Variants in TSBP1 observed in about 807,000 individuals in gnomAD.
TSBP1 encodes the protein testis expressed basic protein 1.
A neutral mutation model predicts 68.8 loss-of-function variants in TSBP1; 56 were observed. The observed-to-expected ratio is 0.81, with a 90% confidence interval of 0.66 to 1.02. TSBP1 has a LOEUF of 1.02. Ranked by LOEUF, TSBP1 falls within the 50% of genes least tolerant of loss-of-function variation. The pLI is 0.00. For synonymous variants in TSBP1, 171 were observed against 208.7 expected (o/e 0.82, Z 1.56); for missense variants, 502 against 641.2 (o/e 0.78, Z 2.34).
At position 32,294,050 on chromosome 6, in the gene TSBP1, A is replaced by G; in HGVS notation, c.638-15T>C. 1 of 1,602,372 alleles carries G rather than the reference A, an allele frequency of 6.2e-7. No individual in the cohort carries two copies. Among genetic ancestry groups the G allele is most frequent in the Non-Finnish European group, 8.5e-7 (1 of 1,178,294 alleles). On this transcript the variant is annotated splice_polypyrimidine_tract_variant and intron_variant, in intron 22 of 22. Coordinates refer to ENST00000612031, the Ensembl canonical transcript of TSBP1. ...TGTTAATATAACTGAGCATACAACA[A>G]AAGGGCGTGATTTAGATATCAAGTA... is the stretch of plus-strand genomic sequence containing the variant.
intron 18 of TSBP1, among the ~76,000 whole-genome samples, chr6:32,319,068 C>T (rs984184400): frequency 2.0e-5 from 3 of 152,138 alleles, no homozygotes; most frequent in African/African-American, 7.2e-5. Context: ...TCCTAAATAT[C>T]CCAGGCATCT....
chr6:32,331,303 C>T (rs986818523), intron 15 of TSBP1, among the ~76,000 whole-genome samples: 1 of 152,130 alleles, frequency 6.6e-6, no homozygotes, highest in African/African-American at 2.4e-5. Flanking sequence ...TTCGATTACA[C>T]CTTTGCCTTA....
chr6:32,301,711 A>T (rs200839501), intron 20 of TSBP1, among the ~76,000 whole-genome samples: 9,496 of 37,950 alleles, frequency 0.25, 379 homozygotes, highest in South Asian at 0.48. Flanking sequence ...CGCTGTTTTA[A>T]AAAAAAAAAA....
chr6:32,318,688 G>A (rs981520228), intron 18 of TSBP1, among the ~76,000 whole-genome samples: 1 of 152,184 alleles, frequency 6.6e-6, no homozygotes, highest in African/African-American at 2.4e-5. Flanking sequence ...GAAATGTCCA[G>A]AACAGCTGAA....
rs9279582 is a variant in TSBP1 at position 32,330,635 on chromosome 6, A to AACACACACACACAC, written c.494-40_494-27dup. The AACACACACACACAC allele has an allele frequency of 4.3e-5, 49 of 1,134,776 alleles. 1 individual carries two copies. Among genetic ancestry groups the AACACACACACACAC allele is most frequent in the East Asian group, 3.5e-4 (13 of 37,108 alleles). 70.3% of individuals were successfully genotyped at this position (1,134,776 alleles called of 1,614,324 possible). A position where few individuals can be genotyped will look rare whatever the true frequency, so the allele number is the denominator to read the frequency against. Reference sequence around the variant, plus strand: ...CTAAAAAATAGAAACAAACAAATTAAACACACACACACACACACACACACA... The same window carrying AACACACACACACAC: ...CTAAAAAATAGAAACAAACAAATTAAACACACACACACACACACACACACACACACACACACACA... On this transcript the variant is annotated intron_variant, in intron 15 of 22. Transcript: ENST00000612031.
intron 16 of TSBP1, among the ~76,000 whole-genome samples, chr6:32,329,839 G>A (rs776676503): frequency 6.6e-6 from 1 of 152,076 alleles, no homozygotes; most frequent in Non-Finnish European, 1.5e-5. Flanking sequence ...AGAATTTCCC[G>A]TGTCCTGGGG....
intron 6 of TSBP1, among the ~76,000 whole-genome samples, chr6:32,359,786 C>T (rs1171276259): frequency 6.6e-6 from 1 of 152,098 alleles, no homozygotes; most frequent in East Asian, 1.9e-4. Context: ...TCAGGTCTAA[C>T]ATTTAAGTCT....
At chr6:32,298,504 G>A (rs1653172417) in intron 22 of TSBP1, among the ~76,000 whole-genome samples, 1 of 152,078 alleles carries the variant, frequency 6.6e-6, no homozygotes. Context: ...ACTTGAACCC[G>A]TGAGGCAGAG....
At position 32,302,965 on chromosome 6, in the gene TSBP1, T is replaced by C. The variant is rs943276540; in HGVS notation, c.581-336A>G. Among the ~76,000 whole-genome samples, 15 of 152,226 alleles carry C rather than the reference T, an allele frequency of 9.9e-5. No individual in the cohort carries two copies. The highest frequency in any genetic ancestry group is 3.4e-4 in the African/African-American group (14 of 41,454). ...TAAGAGCCACCAATGGTTCCCCATC[T>C]TGGTTTAACAAAAGTCAAAATCACA... On this transcript the variant is annotated intron_variant, in intron 19 of 22. Coordinates refer to ENST00000612031, the Ensembl canonical transcript of TSBP1. This position sits in a 1 kb window ranked among gnomAD's most constrained non-coding sequence, Gnocchi z 5.1.
chr6:32,349,102 T>C (rs1771391877), intron 9 of TSBP1, among the ~76,000 whole-genome samples: 1 of 152,166 alleles, frequency 6.6e-6, no homozygotes, highest in Admixed American at 6.5e-5. Flanking sequence ...ACTTAGAATT[T>C]GGAAATATGA....
At chr6:32,322,421 G>A in intron 18 of TSBP1, 65 bp downstream of exon 20, 1 of 1,142,302 alleles carries the variant, frequency 8.8e-7, no homozygotes, top group South Asian at 1.4e-5. Flanking sequence ...GAGGCACTTA[G>A]AAATAGAAAC....
rs1483865795 is a variant in TSBP1, at chr6:32,314,644, C to T, written c.580+1128G>A. Among the ~76,000 whole-genome samples the T allele has an allele frequency of 1.3e-5, 2 of 152,180 alleles. No individual in the cohort carries two copies. The highest frequency in any genetic ancestry group is 4.8e-5 in the African/African-American group (2 of 41,446). On this transcript the variant is annotated intron_variant, in intron 19 of 22. Coordinates refer to ENST00000612031, the Ensembl canonical transcript of TSBP1. The surrounding 1 kb of genome is among the most constrained non-coding windows in gnomAD (Gnocchi z 4.2). ...ATTCTTTGTTGACAGTTCCATTTCT[C>T]TTCACTCAAATACCAATGTCTTTGT...
Position 32,365,315 on chromosome 6 carries a change from C to T in TSBP1, c.217+852G>A, listed in dbSNP as rs1205204778. On this transcript the variant is annotated intron_variant, in intron 6 of 22. Coordinates refer to ENST00000612031, the Ensembl canonical transcript of TSBP1. The surrounding 1 kb of genome is among the most constrained non-coding windows in gnomAD (Gnocchi z 4.3). ...ATTCTCAAGTTTGTGTCCTTTTTTC[C>T]AATCCCACAAAGTCAAACTGACTGT... The T allele has an allele frequency of 6.6e-6, 3 of 456,468 alleles. No homozygotes were observed. The highest frequency in any genetic ancestry group is 6.9e-5 in the East Asian group (1 of 14,396). The allele number at this position is 456,468 out of a possible 1,614,324, so 28.3% of individuals were successfully genotyped here. A position where few individuals can be genotyped will look rare whatever the true frequency, so the allele number is the denominator to read the frequency against.
In TSBP1 at chr6:32,334,825, A is replaced by G. The variant is rs551268105; in HGVS notation, c.472+612T>C. Among the ~76,000 whole-genome samples the G allele has an allele frequency of 2.4e-4, 36 of 152,292 alleles. No individual in the cohort carries two copies. The South Asian group carries it at 6.4e-3, about 27-fold the overall frequency. On this transcript the variant is annotated intron_variant, in intron 14 of 22. Coordinates refer to ENST00000612031, the Ensembl canonical transcript of TSBP1. ...GAGGCGGGCGGATCACGAGGTCAGG[A>G]GATCGAGACCATTCTGGCTAACAGA...
chr6:32,358,701 G>T (rs1772630669), intron 6 of TSBP1, among the ~76,000 whole-genome samples: 1 of 123,972 alleles, frequency 8.1e-6, no homozygotes. Flanking sequence ...TGCCGAGAAT[G>T]ATGGTTTCCA....
At chr6:32,371,606 G>A in intron 1 of TSBP1, 88 bp downstream of exon 1, 2 of 897,962 alleles carry the variant, frequency 2.2e-6, no homozygotes, top group Non-Finnish European at 3.8e-6. Flanking sequence ...GGAAGATAAA[G>A]CAGTTGTGTT....
chr6:32,307,806 G>A (rs116471568), intron 19 of TSBP1, among the ~76,000 whole-genome samples: 5,871 of 146,792 alleles, frequency 0.04, 330 homozygotes, highest in African/African-American at 0.13. Flanking sequence ...ACAGAATTTC[G>A]CTCTTGTCAC....
intron 16 of TSBP1, among the ~76,000 whole-genome samples, chr6:32,328,244 A>C (rs191963845): frequency 1.1e-3 from 168 of 149,512 alleles, no homozygotes; most frequent in African/African-American, 4.0e-3. Flanking sequence ...GCCCGGCCTC[A>C]TTTTTTTTTG....
intron 19 of TSBP1, among the ~76,000 whole-genome samples, chr6:32,308,335 A>ACGCCTG (rs1413703019): frequency 6.6e-6 from 1 of 151,728 alleles, no homozygotes; most frequent in Non-Finnish European, 1.5e-5. Flanking sequence ...TTGCTTTTTC[A>ACGCCTG]CGCCTGTAAT....
Sources: gnomAD v4.1 joint callset for allele counts (sites outside exome capture counted in the v4.1 genomes callset) on GRCh38, gnomAD v4.1.1 for gene constraint, Gnocchi (gnomAD v3.1) non-coding constraint, MANE v1.5 for transcripts, NCBI Gene and HGNC (gene_info 2026-07-23, HGNC 2026-07-21) for gene names.